Variants in RIMBP2 observed in about 807,000 individuals in gnomAD.
RIMBP2 encodes RIMS binding protein 2.
A neutral mutation model predicts 118.6 loss-of-function variants in RIMBP2; 48 were observed. The ratio of observed to expected loss-of-function variants is 0.40; its 90% CI spans 0.32 to 0.51. RIMBP2 has a LOEUF of 0.51. RIMBP2 is among the 20% of genes least tolerant of loss of function. RIMBP2 has a pLI of 0.41. For missense variants in RIMBP2, 1,551 were observed against 1,768.3 expected (o/e 0.88, Z 2.20); for synonymous variants, 762 against 742.9 (o/e 1.03, Z -0.42).
chr12:130,489,977 A>G (rs1468690485), intron 4 of RIMBP2, among the ~76,000 whole-genome samples: 1 of 152,050 alleles, frequency 6.6e-6, no homozygotes, highest in Non-Finnish European at 1.5e-5. Flanking sequence ...ACAAAAAATT[A>G]GCCAGGCATG....
chr12:130,643,850 A>C (rs2062732970), intron 1 of RIMBP2, among the ~76,000 whole-genome samples: 1 of 152,176 alleles, frequency 6.6e-6, no homozygotes, highest in Non-Finnish European at 1.5e-5. Context: ...AAAGAGAACA[A>C]GGAAACTGGA....
chr12:130,417,059 C>G (rs1325134152), intron 17 of RIMBP2, among the ~76,000 whole-genome samples: 1 of 152,074 alleles, frequency 6.6e-6, no homozygotes, highest in African/African-American at 2.4e-5. Context: ...TCACACCAGT[C>G]AGAATGACGA....
chr12:130,424,664 G>A lies in RIMBP2; in HGVS notation c.2607C>T (p.Pro869=), dbSNP rs370320413. 3.7e-4 allele frequency: 454 copies of A among 1,231,932 alleles called. 2 individuals carry two copies. The highest frequency in any genetic ancestry group is 3.4e-3 in the African/African-American group (217 of 64,508). The allele number at this position is 1,231,932 out of a possible 1,614,324, so 76.3% of individuals were successfully genotyped here. A position where few individuals can be genotyped will look rare whatever the true frequency, so the allele number is the denominator to read the frequency against. The change falls in exon 16 of 23, where the codon CCC becomes CCT. Residue 869 remains proline (P), a synonymous_variant. Coordinates refer to ENST00000690449, the MANE Select transcript of RIMBP2 (RefSeq NM_001393629.1). This position sits in a 1 kb window ranked among gnomAD's most constrained non-coding sequence, Gnocchi z 9.8. Reference sequence around the variant, plus strand: ...CCTCGTCGCCCCTGTAGGGCCTGCCGGGCCTGGGCTCTCTGGCCAGCCCCG... The same window carrying A: ...CCTCGTCGCCCCTGTAGGGCCTGCCAGGCCTGGGCTCTCTGGCCAGCCCCG... ...ARTGLAREPR[P]GRPYRGDEAP...
intron 6 of RIMBP2, among the ~76,000 whole-genome samples, chr12:130,457,431 C>T (rs993014320): frequency 1.3e-5 from 2 of 152,188 alleles, no homozygotes; most frequent in African/African-American, 4.8e-5. Context: ...TGTCCAGTCT[C>T]GGGACATCTC....
chr12:130,426,023 T>C (rs1026934933), intron 15 of RIMBP2: 1 of 152,314 alleles, frequency 6.6e-6, no homozygotes, highest in Non-Finnish European at 1.5e-5. Flanking sequence ...TCAGCTAATA[T>C]TGGAGCGAAT....
intron 4 of RIMBP2, among the ~76,000 whole-genome samples, chr12:130,491,266 A>G (rs1178114153): frequency 6.6e-6 from 1 of 152,184 alleles, no homozygotes; most frequent in Non-Finnish European, 1.5e-5. Flanking sequence ...CAAGGCCCAG[A>G]GCGGTTAAGC....
rs117401504 is a variant in RIMBP2 at position 130,415,075 on chromosome 12, C to T, written c.3239-769G>A. Among the ~76,000 whole-genome samples, 391 of 152,282 alleles carry T rather than the reference C, an allele frequency of 2.6e-3. 12 individuals carry two copies. The East Asian group carries it at 0.069, about 27-fold the overall frequency. The stretch of plus-strand genomic sequence containing the variant: ...CTATGAAGCCAACATCACCCTGATA[C>T]CCAAATCTGACAGACACAACAAAAA... On this transcript the variant is annotated intron_variant, in intron 17 of 22. Transcript: ENST00000690449.
At chr12:130,567,724 T>C (rs1184281794) in intron 2 of RIMBP2, among the ~76,000 whole-genome samples, 2 of 152,158 alleles carry the variant, frequency 1.3e-5, no homozygotes, top group African/African-American at 4.8e-5. Flanking sequence ...GGGGTCTGGG[T>C]CCCCTCCACC....
chr12:130,615,887 C>T (rs1451627537), intron 2 of RIMBP2, among the ~76,000 whole-genome samples: 2 of 152,170 alleles, frequency 1.3e-5, no homozygotes, highest in African/African-American at 2.4e-5. Context: ...CTTGGAAGCC[C>T]CCCTGAGCCC....
At chr12:130,520,828 C>A (rs1285968458) in intron 2 of RIMBP2, among the ~76,000 whole-genome samples, 2 of 152,186 alleles carry the variant, frequency 1.3e-5, no homozygotes, top group Non-Finnish European at 2.9e-5. Flanking sequence ...ACACAGACAG[C>A]CAGGTAAAGG....
At position 130,469,290 on chromosome 12, in the gene RIMBP2, A is replaced by G. The variant is rs2080795382; in HGVS notation, c.153+1403T>C. 6.6e-6 allele frequency: 1 copy of G among 152,430 alleles called. No homozygotes were observed. The highest frequency in any genetic ancestry group is 2.1e-4 in the South Asian group (1 of 4,834). 9.4% of individuals were successfully genotyped at this position (152,430 alleles called of 1,614,324 possible). A position where few individuals can be genotyped will look rare whatever the true frequency, so the allele number is the denominator to read the frequency against. On this transcript the variant is annotated intron_variant, in intron 6 of 22. Transcript: ENST00000690449. This position sits in a 1 kb window ranked among gnomAD's most constrained non-coding sequence, Gnocchi z 4.8. Reference sequence around the variant, plus strand: ...AGCACGCTGCGTTGCGACCGTCACCACATTTGAAAGCATGCACCACCAGCA... The same window carrying G: ...AGCACGCTGCGTTGCGACCGTCACCGCATTTGAAAGCATGCACCACCAGCA...
chr12:130,693,758 T>G (rs2065444314), intron 1 of RIMBP2, among the ~76,000 whole-genome samples: 2 of 152,200 alleles, frequency 1.3e-5, no homozygotes, highest in Non-Finnish European at 2.9e-5. Context: ...TAAGCAGAAG[T>G]CACTGAAAGG....
rs558736772 is a variant in RIMBP2 at position 130,506,739 on chromosome 12, G to A, written c.-95C>T. ...GCGCTCTCTGGTCACGAGGGTGAGCGGATGGTTGAGATGCACATACTCTGC... is the reference window on the plus strand; with the variant it reads ...GCGCTCTCTGGTCACGAGGGTGAGCAGATGGTTGAGATGCACATACTCTGC... On this transcript the variant is annotated 5_prime_UTR_variant, in exon 4 of 23. Transcript: ENST00000690449. The A allele has an allele frequency of 1.9e-5, 19 of 985,718 alleles. No individual in the cohort carries two copies. In the South Asian group the frequency reaches 3.8e-4, roughly 20 times the overall value. 61.1% of individuals were successfully genotyped at this position (985,718 alleles called of 1,614,324 possible).
At chr12:130,606,996 TA>T (rs994465579) in intron 2 of RIMBP2, among the ~76,000 whole-genome samples, 3 of 152,070 alleles carry the variant, frequency 2.0e-5, no homozygotes, top group African/African-American at 7.2e-5. Flanking sequence ...CACACCTGGC[TA>T]ATTTTTGTAT....
At chr12:130,610,783 A>G (rs989669278) in intron 2 of RIMBP2, among the ~76,000 whole-genome samples, 1 of 151,488 alleles carries the variant, frequency 6.6e-6, no homozygotes, top group Non-Finnish European at 1.5e-5. Flanking sequence ...GATGGTCTCG[A>G]TCTCCTGACC....
chr12:130,437,423 C>A, intron 12 of RIMBP2, 132 bp from the exon 13 acceptor site: 1 of 731,544 alleles, frequency 1.4e-6, no homozygotes, highest in Admixed American at 2.6e-5. Context: ...ACTCCAACCA[C>A]CCGCCAGGTA....
Position 130,451,355 on chromosome 12 carries a change from T to C in RIMBP2, c.359-15A>G. ...GCTCTCCTGACCTGGCCACGAACAT[T>C]AAAACAAGTTGAAACAAATATGCGA... On this transcript the variant is annotated splice_polypyrimidine_tract_variant and intron_variant, in intron 7 of 22. Transcript: ENST00000690449. 1 of 1,589,280 alleles carries C rather than the reference T, an allele frequency of 6.3e-7. No individual in the cohort carries two copies.
intron 2 of RIMBP2, among the ~76,000 whole-genome samples, chr12:130,549,871 T>G (rs900613338): frequency 7.2e-5 from 11 of 152,138 alleles, no homozygotes; most frequent in Admixed American, 2.6e-4. Flanking sequence ...TGGGTATATA[T>G]CCAGTAATGG....
chr12:130,673,517 G>A (rs939443172), intron 1 of RIMBP2, among the ~76,000 whole-genome samples: 1 of 152,216 alleles, frequency 6.6e-6, no homozygotes, highest in Non-Finnish European at 1.5e-5. Flanking sequence ...AAGCGCCACA[G>A]CCCAGAGGCC....
Sources: allele counts gnomAD v4.1 joint callset (sites outside exome capture counted in the v4.1 genomes callset), GRCh38; gene constraint gnomAD v4.1.1; non-coding constraint Gnocchi (gnomAD v3.1); transcripts MANE v1.5; gene names NCBI Gene and HGNC (gene_info 2026-07-23, HGNC 2026-07-21).